ADAP2: variants seen among roughly 807,000 people sequenced by gnomAD.
The protein encoded by ADAP2 is ArfGAP with dual PH domains 2.
ADAP2 carries 42 observed loss-of-function variants against 54.9 expected under a neutral mutation model. That is an observed-to-expected ratio of 0.77 (90% CI 0.60 to 0.99). The LOEUF (loss-of-function observed/expected upper bound fraction) is 0.99, where lower values mean the gene tolerates loss of function less well. ADAP2 is among the 50% of genes least tolerant of loss of function. ADAP2 has a pLI of 0.00. For missense variants in ADAP2, 429 were observed against 480.4 expected, an observed-to-expected ratio of 0.89 and a Z score of 1.00; for synonymous variants, 177 against 180.1, an observed-to-expected ratio of 0.98 and a Z score of 0.14.
At chr17:30,939,457 G>C (rs1415569011) in intron 5 of ADAP2, among the ~76,000 whole-genome samples, 2 of 143,582 alleles carry the variant, frequency 1.4e-5, no homozygotes, top group Non-Finnish European at 3.0e-5. Flanking sequence ...AAAGCCCCAA[G>C]CTCTATACAA....
intron 2 of ADAP2, among the ~76,000 whole-genome samples, chr17:30,926,341 T>A (rs2142507393): frequency 6.6e-6 from 1 of 152,278 alleles, no homozygotes; most frequent in South Asian, 2.1e-4. Flanking sequence ...ACCTATGCAC[T>A]CCATGAGGCG....
At position 30,949,367 on chromosome 17, in the gene ADAP2, T is replaced by G; in HGVS notation, c.738T>G (p.Ser246=). The change falls in exon 7 of 11, where the codon TCT becomes TCG. Residue 246 remains serine (S), a synonymous_variant. Transcript: ENST00000330889. ...TGGCCTTTCCTGAACTCCCAGAGTC[T>G]GAGGTGAGCTAAATGCGGACCCCAA... ...LKMAFPELPE[S]ELVPFLTRNY... is the part of the protein sequence containing the mutation. 2.5e-6 allele frequency: 4 copies of G among 1,613,926 alleles called. No homozygotes were observed. The highest frequency in any genetic ancestry group is 3.4e-6 in the Non-Finnish European group (4 of 1,179,794).
At position 30,948,428 on chromosome 17, in the gene ADAP2, C is replaced by T. The variant is rs190914931; in HGVS notation, c.658-859C>T. On this transcript the variant is annotated intron_variant, in intron 6 of 10. Transcript: ENST00000330889. ...AAATACAAAAAAAAAAAAAATTAGCCGTGTGGTGGTGGGCGCCTGTAGTCC... is the reference window on the plus strand; with the variant it reads ...AAATACAAAAAAAAAAAAAATTAGCTGTGTGGTGGTGGGCGCCTGTAGTCC... 7.2e-3 allele frequency among the ~76,000 whole-genome samples: 1,092 copies of T among 151,686 alleles called. 11 individuals are homozygous for T. The highest frequency in any genetic ancestry group is 0.025 in the African/African-American group (1,017 of 41,366).
chr17:30,936,471 T>C (rs1327315133), intron 5 of ADAP2, among the ~76,000 whole-genome samples: 1 of 152,206 alleles, frequency 6.6e-6, no homozygotes, highest in East Asian at 1.9e-4. Flanking sequence ...CCCATATCTG[T>C]CTTTTTTATA....
chr17:30,931,844 A>T, intron 3 of ADAP2, 45 bp from the exon 4 acceptor site: 6 of 1,409,420 alleles, frequency 4.3e-6, no homozygotes, highest in Admixed American at 2.0e-5. Context: ...AAAAAAAAAA[A>T]GAGAATGCAT....
At chr17:30,931,384 T>C (rs1284974921) in intron 3 of ADAP2, among the ~76,000 whole-genome samples, 1 of 152,114 alleles carries the variant, frequency 6.6e-6, no homozygotes, top group East Asian at 1.9e-4. Flanking sequence ...TGCTAAACAT[T>C]CTGTGGAGCA....
At chr17:30,953,090 C>G (rs1015708004) in intron 7 of ADAP2, among the ~76,000 whole-genome samples, 198 bp from the exon 8 acceptor site, 19 of 152,174 alleles carry the variant, frequency 1.2e-4, no homozygotes, top group African/African-American at 4.1e-4. Context: ...CTAAGCTCTG[C>G]AAACATCTGG....
At chr17:30,935,392 G>T (rs752207318) in intron 5 of ADAP2, among the ~76,000 whole-genome samples, 1 of 151,994 alleles carries the variant, frequency 6.6e-6, no homozygotes, top group Non-Finnish European at 1.5e-5. Context: ...GTAAAATAGC[G>T]GAGAGTGAGA....
intron 5 of ADAP2, among the ~76,000 whole-genome samples, chr17:30,939,437 A>G (rs1912101904): frequency 6.6e-6 from 1 of 151,278 alleles, no homozygotes; most frequent in Admixed American, 6.6e-5. Flanking sequence ...GAAACTGAAA[A>G]AAAAAAAAAA....
chr17:30,942,008 C>A (rs570678604), intron 5 of ADAP2, among the ~76,000 whole-genome samples: 2 of 151,976 alleles, frequency 1.3e-5, no homozygotes, highest in East Asian at 3.9e-4. Context: ...TGGGGTCAAG[C>A]GATTCTCCTT....
intron 5 of ADAP2, among the ~76,000 whole-genome samples, chr17:30,935,928 T>G (rs1911837975): frequency 6.6e-6 from 1 of 152,148 alleles, no homozygotes; most frequent in Non-Finnish European, 1.5e-5. Context: ...GAGATACAAT[T>G]CACATACCAT....
At position 30,949,368 on chromosome 17, in the gene ADAP2, G is replaced by C; in HGVS notation, c.739G>C (p.Glu247Gln). Reference sequence around the variant, plus strand: ...GGCCTTTCCTGAACTCCCAGAGTCTGAGGTGAGCTAAATGCGGACCCCAAT... The same window carrying C: ...GGCCTTTCCTGAACTCCCAGAGTCTCAGGTGAGCTAAATGCGGACCCCAAT... ...KMAFPELPES[E>Q]LVPFLTRNYL... Residue 247 changes from glutamate to glutamine, a missense_variant and splice_region_variant, in exon 7 of 11, where the codon GAG becomes CAG. Coordinates refer to ENST00000330889, the MANE Select transcript of ADAP2 (RefSeq NM_018404.3). 1 of 1,613,918 alleles carries C rather than the reference G, an allele frequency of 6.2e-7. No individual in the cohort carries two copies. The highest frequency in any genetic ancestry group is 8.5e-7 in the Non-Finnish European group (1 of 1,179,808).
chr17:30,949,264 G>C (rs770891630), intron 6 of ADAP2, 23 bp from the exon 7 acceptor site: 17 of 1,601,526 alleles, frequency 1.1e-5, no homozygotes, highest in African/African-American at 6.7e-5. Flanking sequence ...CTGTGTGTGT[G>C]TCCTGTGCAC....
intron 4 of ADAP2, among the ~76,000 whole-genome samples, chr17:30,933,891 C>T (rs963657807): frequency 2.6e-5 from 4 of 152,192 alleles, no homozygotes; most frequent in African/African-American, 9.7e-5. Flanking sequence ...AGAATCAGTC[C>T]AGTTTCTCAG....
chr17:30,931,658 C>T (rs560899109), intron 3 of ADAP2, among the ~76,000 whole-genome samples: 5 of 151,404 alleles, frequency 3.3e-5, no homozygotes, highest in African/African-American at 1.2e-4. Context: ...CCCATCTCTA[C>T]AAAAATTTAA....
intron 10 of ADAP2, among the ~76,000 whole-genome samples, chr17:30,957,201 G>T (rs1445605549): frequency 6.6e-6 from 1 of 152,104 alleles, no homozygotes; most frequent in Non-Finnish European, 1.5e-5. Flanking sequence ...TCCCATAAAG[G>T]CCAAAGCCAG....
intron 5 of ADAP2, among the ~76,000 whole-genome samples, chr17:30,940,587 G>A (rs1001798954): frequency 7.9e-5 from 12 of 151,908 alleles, no homozygotes; most frequent in African/African-American, 2.2e-4. Flanking sequence ...TTACAGGCGT[G>A]AGCCACCATG....
At chr17:30,932,125 A>G (rs1457016017) in intron 4 of ADAP2, among the ~76,000 whole-genome samples, 157 bp downstream of exon 4, 5 of 152,070 alleles carry the variant, frequency 3.3e-5, no homozygotes, top group Non-Finnish European at 7.4e-5. Context: ...CTTTGAAATA[A>G]CAACACATCA....
intron 7 of ADAP2, among the ~76,000 whole-genome samples, chr17:30,952,322 C>T (rs1168441679): frequency 2.0e-5 from 3 of 152,150 alleles, no homozygotes; most frequent in Admixed American, 1.3e-4. Context: ...CCAGGTCTCC[C>T]GACTTCTGCT....
Sources: allele counts gnomAD v4.1 joint callset (sites outside exome capture counted in the v4.1 genomes callset), GRCh38; gene constraint gnomAD v4.1.1; transcripts MANE v1.5; gene names NCBI Gene and HGNC (gene_info 2026-07-23, HGNC 2026-07-21).